Variants in NRG3 observed in about 807,000 individuals in gnomAD.
The protein encoded by NRG3 is neuregulin 3, also known as pro-neuregulin-3, membrane-bound isoform.
Under a neutral mutation model 66.9 loss-of-function variants are expected in NRG3, and 31 were observed. The observed-to-expected ratio is 0.46, with a 90% CI of 0.35 to 0.63. NRG3 has a LOEUF of 0.63. Ranked by LOEUF, NRG3 falls within the 20% of genes least tolerant of loss-of-function variation. The probability of loss-of-function intolerance (pLI) is 0.00; values close to 1 mark genes in which losing one functional copy is unlikely to be tolerated. For synonymous variants in NRG3, 393 were observed against 359.4 expected, an observed-to-expected ratio of 1.09 and a Z score of -1.06; for missense variants, 910 against 878.9, an observed-to-expected ratio of 1.04 and a Z score of -0.45.
intron 1 of NRG3, among the ~76,000 whole-genome samples, chr10:82,110,902 C>T (rs2067345608): frequency 6.6e-6 from 1 of 151,884 alleles, no homozygotes; most frequent in Non-Finnish European, 1.5e-5. Flanking sequence ...TCAGGATCAC[C>T]AGGCAAGTAA....
intron 1 of NRG3, among the ~76,000 whole-genome samples, chr10:82,245,270 C>T (rs959806908): frequency 5.9e-5 from 9 of 152,092 alleles, no homozygotes; most frequent in African/African-American, 1.9e-4. Flanking sequence ...GGTTCTCACT[C>T]CTGTGAGAAT....
intron 2 of NRG3, among the ~76,000 whole-genome samples, chr10:82,426,983 G>A (rs973707067): frequency 6.6e-6 from 1 of 151,876 alleles, no homozygotes; most frequent in African/African-American, 2.4e-5. Flanking sequence ...TTTTCAGATT[G>A]TTCATTGCTA....
intron 3 of NRG3, among the ~76,000 whole-genome samples, chr10:82,761,952 C>CTTTCTCTCT (rs2059335053): frequency 2.4e-5 from 3 of 123,940 alleles, no homozygotes; most frequent in African/African-American, 8.8e-5. Flanking sequence ...TTCTTTCTTT[C>CTTTCTCTCT]TTTCTTTCTT....
intron 1 of NRG3, among the ~76,000 whole-genome samples, chr10:82,015,892 C>A (rs903677507): frequency 6.6e-6 from 1 of 151,302 alleles, no homozygotes; most frequent in African/African-American, 2.4e-5. Flanking sequence ...TTAAAAATAG[C>A]ACATGTAAAA....
chr10:82,267,880 C>T (rs1241091764), intron 1 of NRG3, among the ~76,000 whole-genome samples: 2 of 152,248 alleles, frequency 1.3e-5, no homozygotes, highest in African/African-American at 4.8e-5. Flanking sequence ...TTTGAGATAA[C>T]ACTAATTGAA....
At chr10:82,268,989 T>G (rs17099680) in intron 1 of NRG3, among the ~76,000 whole-genome samples, 2,613 of 152,210 alleles carry the variant, frequency 0.017, 76 homozygotes, top group African/African-American at 0.059. Context: ...ACTGTCAAAT[T>G]CTCTGAAACA....
intron 2 of NRG3, among the ~76,000 whole-genome samples, chr10:82,606,878 A>C (rs1485552277): frequency 6.6e-6 from 1 of 152,148 alleles, no homozygotes; most frequent in Non-Finnish European, 1.5e-5. Flanking sequence ...CTCAGCACCA[A>C]AACGTTGTTT....
At chr10:82,132,250 A>T (rs2068878837) in intron 1 of NRG3, among the ~76,000 whole-genome samples, 1 of 151,378 alleles carries the variant, frequency 6.6e-6, no homozygotes, top group Non-Finnish European at 1.5e-5. Flanking sequence ...ATGAAGGGAT[A>T]TTAAATTTTA....
intron 3 of NRG3, among the ~76,000 whole-genome samples, chr10:82,764,598 G>A (rs1163428867): frequency 2.6e-5 from 4 of 151,410 alleles, no homozygotes; most frequent in Non-Finnish European, 5.9e-5. Flanking sequence ...CCTGACCTCA[G>A]GTGATCCGCC....
chr10:82,283,922 A>G (rs1238119345), intron 1 of NRG3, among the ~76,000 whole-genome samples: 1 of 152,238 alleles, frequency 6.6e-6, no homozygotes, highest in Non-Finnish European at 1.5e-5. Flanking sequence ...AGCTTTGATA[A>G]TGATTTGACA....
chr10:82,487,684 T>C (rs535838557), intron 2 of NRG3, among the ~76,000 whole-genome samples: 2 of 152,336 alleles, frequency 1.3e-5, no homozygotes, highest in East Asian at 3.9e-4. Context: ...AAAAGGCATT[T>C]GCCTTTATGT....
Position 82,945,628 on chromosome 10 carries a change from TTGTGATAACTAACCCCCTCC to T in NRG3, c.1055-5809_1055-5790del, listed in dbSNP as rs569328666. On this transcript the variant is annotated intron_variant, in intron 4 of 8. Transcript: ENST00000372141. ...TCATCCTCTTATCAGAAGCCCACTC[TTGTGATAACTAACCCCCTCC>T]TGTGATAACTAACCCCCTCCTGTGA... Among the ~76,000 whole-genome samples the T allele has an allele frequency of 3.0e-3, 464 of 152,170 alleles. 5 individuals are homozygous for T. Among genetic ancestry groups the T allele is most frequent in the East Asian group, 0.023 (117 of 5,160 alleles).
At chr10:82,860,164 T>A (rs342399) in intron 3 of NRG3, among the ~76,000 whole-genome samples, 22,155 of 152,150 alleles carry the variant, frequency 0.15, 1,618 homozygotes, top group African/African-American at 0.18. Flanking sequence ...CGGTAACCAA[T>A]GAAGAAATAT....
intron 3 of NRG3, among the ~76,000 whole-genome samples, chr10:82,745,011 C>T (rs1156605304): frequency 6.6e-5 from 10 of 152,000 alleles, no homozygotes; most frequent in Non-Finnish European, 1.0e-4. Flanking sequence ...TACCTGGCCT[C>T]GAATATCTCC....
intron 1 of NRG3, among the ~76,000 whole-genome samples, chr10:81,952,553 C>G (rs1849470145): frequency 2.0e-5 from 3 of 151,990 alleles, no homozygotes; most frequent in Admixed American, 1.3e-4. Context: ...AACTGGTCAC[C>G]CAAATGGTGG....
At chr10:81,940,352 C>G (rs779370778) in intron 1 of NRG3, among the ~76,000 whole-genome samples, 5 of 151,730 alleles carry the variant, frequency 3.3e-5, no homozygotes, top group Non-Finnish European at 7.4e-5. Flanking sequence ...AATGAGTTGT[C>G]TTTTTTGTTT....
intron 1 of NRG3, among the ~76,000 whole-genome samples, chr10:81,892,543 A>G (rs950954312): frequency 6.6e-6 from 1 of 152,096 alleles, no homozygotes; most frequent in Non-Finnish European, 1.5e-5. Flanking sequence ...CCTCAACGAA[A>G]GGCAATATTT....
At chr10:82,386,150 A>T (rs1589940404) in intron 2 of NRG3, among the ~76,000 whole-genome samples, 2 of 152,144 alleles carry the variant, frequency 1.3e-5, no homozygotes, top group South Asian at 2.1e-4. Context: ...GAATAAGTCT[A>T]ACATGGGCAT....
chr10:82,237,670 G>A (rs2076821061), intron 1 of NRG3, among the ~76,000 whole-genome samples: 1 of 151,972 alleles, frequency 6.6e-6, no homozygotes, highest in Non-Finnish European at 1.5e-5. Context: ...CCTCTCCCCA[G>A]CATATTTTCC....
Sources: allele counts gnomAD v4.1 joint callset (sites outside exome capture counted in the v4.1 genomes callset), GRCh38; gene constraint gnomAD v4.1.1; transcripts MANE v1.5; gene names NCBI Gene and HGNC (gene_info 2026-07-23, HGNC 2026-07-21).